Variants in ZFHX3 observed in about 807,000 individuals in gnomAD.
ZFHX3 encodes the protein zinc finger homeobox protein 3.
ZFHX3 carries 42 observed loss-of-function variants against 279.1 expected under a neutral mutation model. That is an observed-to-expected ratio of 0.15 (90% confidence interval 0.12 to 0.19). ZFHX3 has a LOEUF of 0.19. Ranked by LOEUF, ZFHX3 falls within the 10% of genes least tolerant of loss-of-function variation. The pLI, the probability that ZFHX3 is intolerant of heterozygous loss-of-function variation, is 1.00. For missense variants in ZFHX3, 4,981 were observed against 4,754.0 expected, an observed-to-expected ratio of 1.05 and a Z score of -1.40; for synonymous variants, 2,293 against 1,957.8, an observed-to-expected ratio of 1.17 and a Z score of -4.52.
intron 5 of ZFHX3, among the ~76,000 whole-genome samples, chr16:73,225,602 A>T (rs1260065467): frequency 6.6e-6 from 1 of 152,148 alleles, no homozygotes; most frequent in Non-Finnish European, 1.5e-5. Context: ...AATAAAAAAT[A>T]AAAAAATAAA....
chr16:73,830,178 C>T (rs1960951081), intron 1 of ZFHX3, among the ~76,000 whole-genome samples: 1 of 133,790 alleles, frequency 7.5e-6, no homozygotes, highest in Non-Finnish European at 1.6e-5. Flanking sequence ...CCAGGTGCGT[C>T]CGTCACCCCT....
intron 8 of ZFHX3, among the ~76,000 whole-genome samples, chr16:73,067,815 A>C (rs1450894413): frequency 6.6e-6 from 1 of 152,040 alleles, no homozygotes; most frequent in Non-Finnish European, 1.5e-5. Flanking sequence ...CAGGCGGGGG[A>C]TTGTCAGGTG....
intron 4 of ZFHX3, among the ~76,000 whole-genome samples, chr16:72,876,831 T>A (rs1330799394): frequency 6.6e-6 from 1 of 152,024 alleles, no homozygotes; most frequent in Non-Finnish European, 1.5e-5. Flanking sequence ...GGCAGCCAGG[T>A]GTGGTTGAAA....
chr16:73,691,758 T>C (rs2053151944), intron 1 of ZFHX3, among the ~76,000 whole-genome samples: 1 of 152,220 alleles, frequency 6.6e-6, no homozygotes, highest in East Asian at 1.9e-4. Context: ...AAGCATCTTC[T>C]ACAATATTTC....
chr16:73,493,600 G>A (rs1053845599), intron 2 of ZFHX3, among the ~76,000 whole-genome samples: 62 of 152,324 alleles, frequency 4.1e-4, no homozygotes, highest in Admixed American at 2.2e-3. Context: ...ACCTGGGAAG[G>A]ACAGGTTCAC....
intron 3 of ZFHX3, among the ~76,000 whole-genome samples, chr16:73,403,045 TGTGTGCATGTGTACAC>T (rs1279835621): frequency 6.6e-6 from 1 of 151,730 alleles, no homozygotes; most frequent in African/African-American, 2.4e-5. Context: ...CACACACACG[TGTGTGCATGTGTACAC>T]GTGTGCATGT....
At chr16:73,629,904 G>C (rs1007841821) in intron 2 of ZFHX3, among the ~76,000 whole-genome samples, 2 of 152,192 alleles carry the variant, frequency 1.3e-5, no homozygotes, top group South Asian at 2.1e-4. Flanking sequence ...ACAAGAAAGA[G>C]GTAATGGAGA....
intron 3 of ZFHX3, among the ~76,000 whole-genome samples, chr16:73,447,180 CA>C (rs61445002): frequency 0.11 from 10,119 of 90,424 alleles, 969 homozygotes; most frequent in African/African-American, 0.31. Context: ...GACTCCATCT[CA>C]AAAAAAAAAA....
At chr16:73,839,140 A>G (rs1261708916) in intron 1 of ZFHX3, among the ~76,000 whole-genome samples, 1 of 151,678 alleles carries the variant, frequency 6.6e-6, no homozygotes, top group Non-Finnish European at 1.5e-5. Context: ...AGCAGAAAAA[A>G]GTTAGGTTGG....
At chr16:73,004,021 G>A (rs1045370852) in intron 1 of ZFHX3, among the ~76,000 whole-genome samples, 2 of 149,744 alleles carry the variant, frequency 1.3e-5, no homozygotes, top group African/African-American at 2.5e-5. Context: ...AATCAAATAC[G>A]TTAAAACAAT....
intron 1 of ZFHX3, among the ~76,000 whole-genome samples, chr16:73,003,993 A>T (rs893437962): frequency 2.0e-5 from 3 of 151,850 alleles, no homozygotes; most frequent in African/African-American, 7.2e-5. Flanking sequence ...AAAACAAAAA[A>T]AGCTCAACCT....
intron 5 of ZFHX3, among the ~76,000 whole-genome samples, chr16:73,220,935 G>C (rs903073440): frequency 6.6e-6 from 1 of 152,166 alleles, no homozygotes; most frequent in Non-Finnish European, 1.5e-5. Context: ...TGTACTCAGG[G>C]ACAACAGTGG....
At chr16:73,014,377 G>T (rs1185169548) in intron 1 of ZFHX3, 1 of 150,122 alleles carries the variant, frequency 6.7e-6, no homozygotes, top group Non-Finnish European at 1.5e-5. Flanking sequence ...ACATGAACAT[G>T]CATACGTAAT....
chr16:73,170,655 G>C (rs1967499592), intron 5 of ZFHX3, among the ~76,000 whole-genome samples: 1 of 152,178 alleles, frequency 6.6e-6, no homozygotes, highest in Admixed American at 6.5e-5. Flanking sequence ...GATGGGGCTG[G>C]CAGAAGATAT....
intron 1 of ZFHX3, among the ~76,000 whole-genome samples, chr16:72,978,626 C>A (rs2144533126): frequency 6.6e-6 from 1 of 152,290 alleles, no homozygotes; most frequent in Admixed American, 6.5e-5. Context: ...AGAGCATCGG[C>A]CGGGGGTGGG....
chr16:73,114,779 A>T (rs1464319579), intron 7 of ZFHX3, among the ~76,000 whole-genome samples: 1 of 152,226 alleles, frequency 6.6e-6, no homozygotes, highest in African/African-American at 2.4e-5. Context: ...CCTGTCTTTG[A>T]TCACAAGGGC....
intron 5 of ZFHX3, among the ~76,000 whole-genome samples, chr16:73,159,277 T>G (rs549200375): frequency 7.9e-5 from 12 of 152,340 alleles, no homozygotes; most frequent in Middle Eastern, 6.8e-3. Flanking sequence ...ATATATTAGA[T>G]GTACATTGCC....
intron 2 of ZFHX3, among the ~76,000 whole-genome samples, chr16:73,639,218 G>A (rs746102670): frequency 5.3e-5 from 8 of 152,142 alleles, no homozygotes; most frequent in Non-Finnish European, 1.0e-4. Context: ...CAAGTCCACA[G>A]CAGCATTTGC....
intron 1 of ZFHX3, among the ~76,000 whole-genome samples, chr16:73,880,161 G>C (rs1194071168): frequency 6.6e-6 from 1 of 152,068 alleles, no homozygotes; most frequent in African/African-American, 2.4e-5. Flanking sequence ...GGAAACAAAA[G>C]GAAGAGGTTG....
Sources: gnomAD v4.1 joint callset for allele counts (sites outside exome capture counted in the v4.1 genomes callset) on GRCh38, gnomAD v4.1.1 for gene constraint, MANE v1.5 for transcripts, NCBI Gene and HGNC (gene_info 2026-07-23, HGNC 2026-07-21) for gene names.